The following TAF1 variants were observed in gnomAD, a reference collection of about 807,000 sequenced individuals.
The protein encoded by TAF1 is transcription initiation factor TFIID subunit 1.
TAF1 carries 2 observed loss-of-function variants against 138.5 expected under a neutral mutation model. That is an observed-to-expected ratio of 0.01 (90% CI 0.01 to 0.05). The LOEUF is 0.05. Among genes scored for constraint, TAF1 ranks in the 10% least tolerant of loss-of-function variants. TAF1 has a pLI of 1.00. For synonymous variants in TAF1, 437 were observed against 503.2 expected (o/e 0.87, Z 1.76); for missense variants, 709 against 1,478.0 (o/e 0.48, Z 8.53).
At chrX:71,452,274 G>A (rs1366607709) in intron 32 of TAF1, among the ~76,000 whole-genome samples, 4 of 110,803 alleles carry the variant, frequency 3.6e-5, no homozygotes, top group African/African-American at 1.3e-4. Flanking sequence ...CGGGGCGGCT[G>A]CCGGGCGGAG....
intron 13 of TAF1, among the ~76,000 whole-genome samples, chrX:71,517,152 A>C: frequency 9.0e-6 from 1 of 110,650 alleles, no homozygotes; most frequent in Non-Finnish European, 1.9e-5. Context: ...ACATCACCAG[A>C]ATGTGGGGAG....
At position 71,451,885 on chromosome X, in the gene TAF1, C is replaced by G. The variant is rs1369185754; in HGVS notation, c.4754-2285C>G. ...TCTCCCATGTCTACTTCTTACTACA[C>G]AGACACAGCAACCATCCGATTTCTC... is the stretch of plus-strand genomic sequence containing the variant. On this transcript the variant is annotated intron_variant, in intron 32 of 37. Coordinates refer to ENST00000423759, the MANE Select transcript of TAF1 (RefSeq NM_004606.5). 2.7e-5 allele frequency among the ~76,000 whole-genome samples: 3 copies of G among 112,671 alleles called. No individual in the cohort carries two copies. In the East Asian group the frequency reaches 8.4e-4, roughly 31 times the overall value.
At chrX:71,405,106 G>A (rs991075797) in intron 25 of TAF1, among the ~76,000 whole-genome samples, 2 of 108,169 alleles carry the variant, frequency 1.8e-5, no homozygotes, top group South Asian at 4.1e-4. Context: ...ACAGGTGCCC[G>A]CCACCATGCC....
Position 71,377,021 on chromosome X carries a change from G to A in TAF1, c.544G>A (p.Asp182Asn). The A allele has an allele frequency of 8.3e-7, 1 of 1,211,621 alleles. No homozygotes were observed. The highest frequency in any genetic ancestry group is 1.1e-6 in the Non-Finnish European group (1 of 895,523). Residue 182 changes from aspartate (D) to asparagine (N), a missense_variant, in exon 5 of 38, where the codon GAC (aspartate) becomes AAC (asparagine). Asp to Asn is a conservative substitution (Grantham distance 23). This residue lies in a region of TAF1 where 123 missense variants were observed against 161.6 expected (regional missense o/e 0.76). Coordinates refer to ENST00000423759, the MANE Select transcript of TAF1 (RefSeq NM_004606.5). The stretch of plus-strand genomic sequence containing the variant: ...TTCCTCTTTGGCCTCAGAGAAAGTG[G>A]ACTTCAGTAGTTCCTCTGACTCAGA... ...APSSLASEKV[D>N]FSSSSDSESE...
At chrX:71,431,682 C>T (rs985119496) in intron 32 of TAF1, among the ~76,000 whole-genome samples, 2 of 110,240 alleles carry the variant, frequency 1.8e-5, no homozygotes, top group African/African-American at 3.3e-5. Flanking sequence ...TTTGGGAGGC[C>T]GAGGCTGGTG....
chrX:71,518,279 C>T (rs759246390), intron 13 of TAF1, among the ~76,000 whole-genome samples: 10 of 111,736 alleles, frequency 8.9e-5, no homozygotes, highest in East Asian at 8.4e-4. Flanking sequence ...AAGCCTCTCC[C>T]GCCTCAGCCT....
At chrX:71,399,880 C>T (rs948436810) in intron 24 of TAF1, among the ~76,000 whole-genome samples, 18 of 108,442 alleles carry the variant, frequency 1.7e-4, no homozygotes, top group African/African-American at 5.0e-4. Context: ...TACAGGCGCC[C>T]GCCACCACGC....
intron 34 of TAF1, among the ~76,000 whole-genome samples, chrX:71,456,872 T>C (rs1415746187): frequency 9.2e-6 from 1 of 109,024 alleles, no homozygotes; most frequent in East Asian, 2.9e-4. Context: ...ACAGGGTTTC[T>C]CCATGTTGGT....
At chrX:71,453,453 G>C (rs1485383820) in intron 32 of TAF1, among the ~76,000 whole-genome samples, 1 of 98,497 alleles carries the variant, frequency 1.0e-5, no homozygotes, top group African/African-American at 3.8e-5. Flanking sequence ...GCACCCAGGA[G>C]TTCAGGGCTG....
intron 14 of TAF1, chrX:71,529,639 A>C (rs1404523399): frequency 9.0e-6 from 3 of 332,803 alleles, no homozygotes; most frequent in Admixed American, 6.2e-5. Flanking sequence ...AAGTACAGGC[A>C]CATGTTCCTT....
chrX:71,488,068 A>G (rs1346436224), intron 13 of TAF1, among the ~76,000 whole-genome samples: 1 of 111,087 alleles, frequency 9.0e-6, no homozygotes, highest in Non-Finnish European at 1.9e-5. Flanking sequence ...CTTTTAATCT[A>G]GGACTAGATT....
intron 1 of TAF1, among the ~76,000 whole-genome samples, chrX:71,366,936 A>G (rs949116288): frequency 7.1e-5 from 8 of 111,958 alleles, no homozygotes; most frequent in African/African-American, 2.6e-4. Context: ...GCTTAGGACA[A>G]TGGGGTGTTC....
chrX:71,512,007 C>T (rs1267932605), intron 13 of TAF1, among the ~76,000 whole-genome samples: 1 of 100,672 alleles, frequency 9.9e-6, no homozygotes, highest in African/African-American at 3.7e-5. Context: ...AGAATGAGAC[C>T]TTGTCTCAAA....
At chrX:71,432,623 G>C (rs2036945395) in intron 32 of TAF1, among the ~76,000 whole-genome samples, 1 of 109,299 alleles carries the variant, frequency 9.1e-6, no homozygotes, top group Non-Finnish European at 1.9e-5. Flanking sequence ...ATTTTGTTTT[G>C]TGGATGTGCT....
chrX:71,475,236 G>A (rs747620677), intron 13 of TAF1, among the ~76,000 whole-genome samples: 57 of 111,281 alleles, frequency 5.1e-4, no homozygotes, highest in Non-Finnish European at 9.8e-4. Context: ...ATGAGATCAG[G>A]CCCAAGGGGA....
chrX:71,387,085 G>C lies in TAF1; in HGVS notation c.2227-176G>C, dbSNP rs770686253. 1.6e-5 allele frequency: 8 copies of C among 489,645 alleles called. No individual in the cohort carries two copies. In the East Asian group the frequency reaches 3.0e-4, roughly 18 times the overall value. The allele number at this position is 489,645 out of a possible 1,213,427, so 40.4% of individuals were successfully genotyped here. A position where few individuals can be genotyped will look rare whatever the true frequency, so the allele number is the denominator to read the frequency against. On this transcript the variant is annotated intron_variant, in intron 14 of 37. Transcript: ENST00000423759. ...CTACTGACTCTGAAAGATAGTGGAT[G>C]AAAAATTGTTTAGTCACATTTGATA... is the stretch of plus-strand genomic sequence containing the variant.
intron 32 of TAF1, among the ~76,000 whole-genome samples, chrX:71,426,729 CAAAG>C (rs1050000719): frequency 1.9e-5 from 2 of 106,761 alleles, no homozygotes; most frequent in African/African-American, 3.4e-5. Flanking sequence ...AAAAAAAAAA[CAAAG>C]AGACAGTGTT....
chrX:71,393,954 A>T, intron 21 of TAF1, 113 bp from the exon 22 acceptor site: 1 of 787,642 alleles, frequency 1.3e-6, no homozygotes, highest in Non-Finnish European at 1.7e-6. Context: ...TAAGGGCCCC[A>T]TGTCTTAGTG....
intron 32 of TAF1, among the ~76,000 whole-genome samples, chrX:71,442,913 T>C (rs183514010): frequency 2.0e-4 from 23 of 112,327 alleles, no homozygotes; most frequent in African/African-American, 7.4e-4. Context: ...ATTTATTAAA[T>C]TAGGGAATCC....
Sources: allele counts gnomAD v4.1 joint callset (sites outside exome capture counted in the v4.1 genomes callset), GRCh38; gene constraint gnomAD v4.1.1; regional missense constraint gnomAD v4.1.1; transcripts MANE v1.5; gene names NCBI Gene and HGNC (gene_info 2026-07-23, HGNC 2026-07-21).